The following GABRG3 variants were observed in gnomAD, a reference collection of about 807,000 sequenced individuals.
GABRG3 encodes the protein gamma-aminobutyric acid type A receptor subunit gamma3.
GABRG3 carries 25 observed loss-of-function variants against 48.8 expected under a neutral mutation model. That is an observed-to-expected ratio of 0.51 (90% CI 0.37 to 0.72). GABRG3 has a LOEUF of 0.72. Ranked by LOEUF, GABRG3 falls within the 30% of genes least tolerant of loss-of-function variation. GABRG3 has a pLI of 0.00. For missense variants in GABRG3, 394 were observed against 577.9 expected (o/e 0.68, Z 3.26); for synonymous variants, 227 against 217.6 (o/e 1.04, Z -0.38).
chr15:27,005,553 T>A (rs901373763), intron 2 of GABRG3, among the ~76,000 whole-genome samples: 3 of 152,212 alleles, frequency 2.0e-5, no homozygotes, highest in African/African-American at 7.2e-5. Flanking sequence ...TTCGTTGTGC[T>A]CAAGCCTCTG....
At chr15:27,045,194 T>C (rs1291396264) in intron 3 of GABRG3, among the ~76,000 whole-genome samples, 1 of 152,184 alleles carries the variant, frequency 6.6e-6, no homozygotes, top group Non-Finnish European at 1.5e-5. Context: ...ATCAGACCTA[T>C]TGGAGAATTC....
At chr15:27,307,806 T>TATATAAAATAAAC (rs1566772039) in intron 3 of GABRG3, among the ~76,000 whole-genome samples, 16 of 119,358 alleles carry the variant, frequency 1.3e-4, no homozygotes, top group Admixed American at 5.9e-4. Flanking sequence ...AAAATAAACA[T>TATATAAAATAAAC]AAACATATAT....
At chr15:27,068,284 G>A (rs1896771883) in intron 3 of GABRG3, among the ~76,000 whole-genome samples, 3 of 152,266 alleles carry the variant, frequency 2.0e-5, no homozygotes, top group Admixed American at 2.0e-4. Context: ...TGCTGGGGGA[G>A]ATGCTCGCAC....
In GABRG3 at chr15:26,975,589, T is replaced by C. The variant is rs1252231602; in HGVS notation, c.54-1413T>C. On this transcript the variant is annotated intron_variant, in intron 1 of 9. Transcript: ENST00000615808. This position sits in a 1 kb window ranked among gnomAD's most constrained non-coding sequence, Gnocchi z 4.6. The stretch of plus-strand genomic sequence containing the variant: ...ACGCTTTAAAAGACTCATGTATATA[T>C]TACATAAATATGCATGTGCATATAT... Among the ~76,000 whole-genome samples, 2 of 152,188 alleles carry C rather than the reference T, an allele frequency of 1.3e-5. No homozygotes were observed. Among genetic ancestry groups the C allele is most frequent in the African/African-American group, 4.8e-5 (2 of 41,454 alleles).
intron 6 of GABRG3, among the ~76,000 whole-genome samples, chr15:27,498,979 G>A (rs537429155): frequency 1.6e-4 from 25 of 152,318 alleles, no homozygotes; most frequent in Admixed American, 7.2e-4. Flanking sequence ...ATGTGGCTGC[G>A]CTTAGTCCAG....
chr15:27,470,906 T>G (rs538607954), intron 5 of GABRG3, among the ~76,000 whole-genome samples: 8 of 120,640 alleles, frequency 6.6e-5, no homozygotes, highest in African/African-American at 3.4e-4. Context: ...TATATGGCTG[T>G]TTTTTTTGTT....
In GABRG3 at chr15:27,530,547, T is replaced by C. The variant is rs141838618; in HGVS notation, c.1123-2053T>C. ...ATAATAAGAGCTATTTTCAATATTG[T>C]AAATATGATATCCAGGTGTTTTTTG... On this transcript the variant is annotated intron_variant, in intron 9 of 9. Transcript: ENST00000615808. 9.7e-4 allele frequency: 450 copies of C among 462,224 alleles called. 3 individuals carry two copies. The highest frequency in any genetic ancestry group is 7.9e-3 in the African/African-American group (392 of 49,640). 28.6% of individuals were successfully genotyped at this position (462,224 alleles called of 1,614,324 possible).
chr15:27,197,469 A>AT (rs36104116), intron 3 of GABRG3, among the ~76,000 whole-genome samples: 1,536 of 143,420 alleles, frequency 0.011, 8 homozygotes, highest in Middle Eastern at 0.015. Context: ...TTTAACGGCT[A>AT]TTTTTTTTTT....
chr15:27,476,319 A>G (rs933317151), intron 5 of GABRG3, among the ~76,000 whole-genome samples: 1 of 152,216 alleles, frequency 6.6e-6, no homozygotes, highest in Admixed American at 6.5e-5. Flanking sequence ...AGCTATTAAT[A>G]GAAACTATCA....
intron 5 of GABRG3, among the ~76,000 whole-genome samples, chr15:27,356,335 TTGAATCAG>T (rs1412308176): frequency 4.6e-4 from 70 of 152,218 alleles, no homozygotes; most frequent in African/African-American, 1.5e-3. Flanking sequence ...TTCTCATTCT[TTGAATCAG>T]TGATTCCAGG....
chr15:27,169,578 C>G (rs1285682915), intron 3 of GABRG3, among the ~76,000 whole-genome samples: 2 of 152,070 alleles, frequency 1.3e-5, no homozygotes, highest in African/African-American at 2.4e-5. Context: ...CGACATTTCC[C>G]ATGGAGGTCA....
chr15:27,501,076 C>G (rs60880930), intron 6 of GABRG3, among the ~76,000 whole-genome samples: 6,973 of 151,512 alleles, frequency 0.046, 538 homozygotes, highest in African/African-American at 0.16. Context: ...CTCAGCCTCC[C>G]GAGTAGCTGG....
At chr15:27,474,125 A>C (rs1336737194) in intron 5 of GABRG3, among the ~76,000 whole-genome samples, 1 of 152,160 alleles carries the variant, frequency 6.6e-6, no homozygotes, top group African/African-American at 2.4e-5. Flanking sequence ...AGACAGACTG[A>C]TGGAGCAGAT....
At chr15:27,112,060 GATCT>G (rs1348504375) in intron 3 of GABRG3, among the ~76,000 whole-genome samples, 1 of 151,826 alleles carries the variant, frequency 6.6e-6, no homozygotes, top group Non-Finnish European at 1.5e-5. Context: ...TAAAGTGTAG[GATCT>G]CCCTTAAGGC....
intron 3 of GABRG3, among the ~76,000 whole-genome samples, chr15:27,172,698 C>T (rs1335183044): frequency 1.3e-5 from 2 of 152,132 alleles, no homozygotes. Context: ...AAACCTTAGT[C>T]CACAGTGAGC....
At chr15:27,431,781 A>G (rs1211536649) in intron 5 of GABRG3, among the ~76,000 whole-genome samples, 2 of 152,074 alleles carry the variant, frequency 1.3e-5, no homozygotes, top group Non-Finnish European at 2.9e-5. Context: ...TGTTATTTTT[A>G]TCCTTTATTC....
intron 3 of GABRG3, among the ~76,000 whole-genome samples, chr15:27,050,495 G>A (rs1896438657): frequency 6.6e-6 from 1 of 152,144 alleles, no homozygotes; most frequent in Non-Finnish European, 1.5e-5. Flanking sequence ...GCTGTTCCTA[G>A]GATAAGATAG....
In GABRG3 at chr15:27,474,823, A is replaced by G. The variant is rs144833786; in HGVS notation, c.575-5827A>G. Among the ~76,000 whole-genome samples the G allele has an allele frequency of 5.0e-3, 754 of 152,236 alleles. 11 individuals are homozygous for G. Among genetic ancestry groups the G allele is most frequent in the African/African-American group, 0.018 (727 of 41,538 alleles). On this transcript the variant is annotated intron_variant, in intron 5 of 9. Transcript: ENST00000615808. ...AAACAATCACCTCCCTACTCTTGAG[A>G]AAAGTGGATTTATAAAAAGGGTGGC...
chr15:27,325,269 A>T (rs558208854), intron 3 of GABRG3, among the ~76,000 whole-genome samples: 2 of 152,244 alleles, frequency 1.3e-5, no homozygotes, highest in South Asian at 4.2e-4. Flanking sequence ...AGGCATGCCA[A>T]GTTTCGGAAG....
Sources: allele counts gnomAD v4.1 joint callset (sites outside exome capture counted in the v4.1 genomes callset), GRCh38; gene constraint gnomAD v4.1.1; non-coding constraint Gnocchi (gnomAD v3.1); transcripts MANE v1.5; gene names NCBI Gene and HGNC (gene_info 2026-07-23, HGNC 2026-07-21).